The following CALN1 variants were observed in gnomAD, a reference collection of about 807,000 sequenced individuals.
The protein encoded by CALN1 is calneuron 1.
CALN1 carries 17 observed loss-of-function variants against 30.6 expected under a neutral mutation model. The ratio of observed to expected loss-of-function variants is 0.56; its 90% CI spans 0.38 to 0.83. The LOEUF (loss-of-function observed/expected upper bound fraction) is 0.83, where lower values mean the gene tolerates loss of function less well. Among genes scored for constraint, CALN1 ranks in the 40% least tolerant of loss-of-function variants. CALN1 has a pLI of 0.00. For missense variants in CALN1, 291 were observed against 354.9 expected (o/e 0.82, Z 1.45); for synonymous variants, 156 against 131.4 (o/e 1.19, Z -1.28).
At chr7:72,249,743 C>T (rs1203263420) in intron 3 of CALN1, among the ~76,000 whole-genome samples, 2 of 152,076 alleles carry the variant, frequency 1.3e-5, no homozygotes, top group African/African-American at 4.8e-5. Flanking sequence ...TCGAGACCAG[C>T]CTTGTCAACA....
At chr7:72,465,710 T>C in the CALN1 span, among the ~76,000 whole-genome samples, 1 of 152,200 alleles carries the variant, frequency 6.6e-6, no homozygotes, top group Non-Finnish European at 1.5e-5. Context: ...ACATGGATCA[T>C]TGAGGTCTGC....
intron 3 of CALN1, among the ~76,000 whole-genome samples, chr7:72,159,122 G>A (rs918206515): frequency 9.9e-5 from 15 of 152,052 alleles, no homozygotes; most frequent in African/African-American, 3.1e-4. Context: ...AAAGTGCTGG[G>A]ATTACAGGCA....
At chr7:71,944,656 A>G (rs142728427) in intron 5 of CALN1, among the ~76,000 whole-genome samples, 16 of 151,174 alleles carry the variant, frequency 1.1e-4, no homozygotes, top group African/African-American at 3.4e-4. Flanking sequence ...TAATTTACCT[A>G]TTGTGTCTAA....
chr7:71,915,108 C>G (rs1157505732), intron 5 of CALN1, among the ~76,000 whole-genome samples: 1 of 152,172 alleles, frequency 6.6e-6, no homozygotes. Flanking sequence ...CCCTGGGTCT[C>G]TCCAGGTCAA....
At chr7:72,391,978 T>A (rs1805609807) in intron 2 of CALN1, among the ~76,000 whole-genome samples, 1 of 152,232 alleles carries the variant, frequency 6.6e-6, no homozygotes, top group Non-Finnish European at 1.5e-5. Context: ...TGCACTGCTT[T>A]GACCCCTAGA....
At chr7:72,333,695 A>G (rs1379364412) in intron 2 of CALN1, among the ~76,000 whole-genome samples, 2 of 151,968 alleles carry the variant, frequency 1.3e-5, no homozygotes, top group Admixed American at 6.6e-5. Context: ...TATGCAGAAA[A>G]AAAAAAAAAA....
intron 5 of CALN1, among the ~76,000 whole-genome samples, chr7:71,968,367 C>T (rs1797629059): frequency 6.6e-6 from 1 of 152,124 alleles, no homozygotes; most frequent in African/African-American, 2.4e-5. Flanking sequence ...CCAGCAGTTC[C>T]TAGGGGCTGG....
chr7:72,361,183 T>G (rs1354244388), intron 2 of CALN1, among the ~76,000 whole-genome samples: 2 of 152,080 alleles, frequency 1.3e-5, no homozygotes, highest in Non-Finnish European at 2.9e-5. Flanking sequence ...GCATCAAATA[T>G]CTCCAAATAT....
intron 1 of CALN1, among the ~76,000 whole-genome samples, chr7:72,425,999 C>T (rs575373405): frequency 5.9e-5 from 9 of 152,308 alleles, no homozygotes; most frequent in South Asian, 4.2e-4. Context: ...TGCCTCAGGG[C>T]GAAGGTAAGC....
intron 5 of CALN1, among the ~76,000 whole-genome samples, chr7:71,975,616 A>C (rs924524981): frequency 2.1e-4 from 32 of 151,648 alleles, no homozygotes; most frequent in African/African-American, 7.3e-4. Flanking sequence ...ATTTTTCTAG[A>C]GATAGGATCT....
chr7:72,197,266 T>C (rs1360460207), intron 3 of CALN1, among the ~76,000 whole-genome samples: 2 of 132,648 alleles, frequency 1.5e-5, no homozygotes, highest in Non-Finnish European at 3.1e-5. Flanking sequence ...CTCACTGCAA[T>C]CTCTGGCTCA....
chr7:72,074,300 T>C (rs1170342228), intron 4 of CALN1, among the ~76,000 whole-genome samples: 5 of 152,190 alleles, frequency 3.3e-5, no homozygotes, highest in Admixed American at 3.3e-4. Context: ...CACAGTCTGA[T>C]ATAGGTCTCA....
intron 3 of CALN1, among the ~76,000 whole-genome samples, chr7:72,273,297 C>A (rs1371428965): frequency 6.6e-6 from 1 of 151,554 alleles, no homozygotes; most frequent in East Asian, 1.9e-4. Flanking sequence ...TGGTGCATGC[C>A]CATAATCCCA....
intron 4 of CALN1, among the ~76,000 whole-genome samples, chr7:72,033,647 A>G (rs1801598265): frequency 6.6e-6 from 1 of 152,150 alleles, no homozygotes; most frequent in African/African-American, 2.4e-5. Context: ...GATGCCAGGA[A>G]GGAGGGAAGG....
chr7:72,304,301 G>A (rs571016473), intron 2 of CALN1, among the ~76,000 whole-genome samples: 74 of 152,340 alleles, frequency 4.9e-4, no homozygotes, highest in South Asian at 3.1e-3. Flanking sequence ...TCAAAGGAGA[G>A]GATGGAGAGA....
chr7:72,008,130 C>A (rs546476212), intron 5 of CALN1, among the ~76,000 whole-genome samples: 5 of 152,012 alleles, frequency 3.3e-5, no homozygotes, highest in Non-Finnish European at 7.4e-5. Flanking sequence ...TATTCAATTA[C>A]CATATTATGT....
chr7:72,019,493 G>T (rs1005521597), intron 5 of CALN1, among the ~76,000 whole-genome samples: 10 of 152,192 alleles, frequency 6.6e-5, no homozygotes, highest in East Asian at 1.9e-4. Context: ...GGGCATAAAA[G>T]ATATCATTGC....
At chr7:72,207,504 CAG>C (rs1310605333) in intron 3 of CALN1, among the ~76,000 whole-genome samples, 1 of 152,080 alleles carries the variant, frequency 6.6e-6, no homozygotes, top group Admixed American at 6.6e-5. Context: ...ATATTTGAGA[CAG>C]AGTCTCGCTC....
At chr7:72,308,365 G>GGGC (rs1554362826) in intron 2 of CALN1, among the ~76,000 whole-genome samples, 3 of 58,418 alleles carry the variant, frequency 5.1e-5, no homozygotes, top group Non-Finnish European at 1.2e-4. Flanking sequence ...TGCTGTCTGT[G>GGGC]GGGGGGGGAG....
Sources: gnomAD v4.1 joint callset for allele counts (sites outside exome capture counted in the v4.1 genomes callset) on GRCh38, gnomAD v4.1.1 for gene constraint, MANE v1.5 for transcripts, NCBI Gene and HGNC (gene_info 2026-07-23, HGNC 2026-07-21) for gene names.